ACYP2: variants seen among roughly 807,000 people sequenced by gnomAD.
The protein encoded by ACYP2 is acylphosphatase-2.
In ACYP2, 12 loss-of-function variants were observed where a neutral mutation model predicts 11.2. The observed-to-expected ratio is 1.08, with a 90% CI of 0.69 to 1.74. ACYP2 has a LOEUF of 1.74. Among genes scored for constraint, ACYP2 ranks in the 40% most tolerant of loss-of-function variants. ACYP2 has a pLI of 0.00. For missense variants in ACYP2, 134 were observed against 101.9 expected (o/e 1.31, Z -1.35); for synonymous variants, 43 against 32.2 (o/e 1.33, Z -1.13).
intron 6 of ACYP2, among the ~76,000 whole-genome samples, chr2:54,211,214 A>G (rs1162595407): frequency 1.3e-5 from 2 of 152,236 alleles, no homozygotes; most frequent in Non-Finnish European, 2.9e-5. Flanking sequence ...TAATTTGAAG[A>G]CCTTTAATAA....
At chr2:54,027,202 A>T (rs1674331353) in intron 2 of ACYP2, among the ~76,000 whole-genome samples, 1 of 152,206 alleles carries the variant, frequency 6.6e-6, no homozygotes, top group African/African-American at 2.4e-5. Flanking sequence ...TAGCAGAAGC[A>T]GGAGGGTCTC....
At chr2:54,097,345 A>G (rs1190519247) in intron 4 of ACYP2, among the ~76,000 whole-genome samples, 5 of 152,108 alleles carry the variant, frequency 3.3e-5, no homozygotes, top group African/African-American at 7.2e-5. Flanking sequence ...TGTTCTCTTC[A>G]TTTCCCTAAA....
intron 6 of ACYP2, among the ~76,000 whole-genome samples, chr2:54,269,584 G>A (rs1015377952): frequency 1.1e-4 from 16 of 152,196 alleles, no homozygotes; most frequent in Admixed American, 3.9e-4. Flanking sequence ...GGAAATGTGA[G>A]TGTTCTCTGT....
chr2:54,197,427 G>A (rs1162915798), intron 6 of ACYP2, among the ~76,000 whole-genome samples: 1 of 152,180 alleles, frequency 6.6e-6, no homozygotes, highest in African/African-American at 2.4e-5. Flanking sequence ...TAAGAGTAGT[G>A]AGCAGTATAC....
At chr2:54,242,844 C>T (rs1686789098) in intron 6 of ACYP2, among the ~76,000 whole-genome samples, 1 of 152,236 alleles carries the variant, frequency 6.6e-6, no homozygotes. Flanking sequence ...CTATGATGTT[C>T]ACACAACAGT....
rs1416753127 is a variant in ACYP2, at chr2:54,117,726, G to A, written c.278-17727G>A. ...GTGTACCAGGGTAAGATTAAGAATGGGTAAAAGTGTGCCTTTTGTAAAGAG... is the reference window on the plus strand; with the variant it reads ...GTGTACCAGGGTAAGATTAAGAATGAGTAAAAGTGTGCCTTTTGTAAAGAG... On this transcript the variant is annotated intron_variant, in intron 4 of 6. Coordinates refer to ENST00000607452, the MANE Select transcript of ACYP2 (RefSeq NM_001320586.2). Among the ~76,000 whole-genome samples the A allele has an allele frequency of 1.3e-5, 2 of 151,966 alleles. 1 individual carries two copies. The highest frequency in any genetic ancestry group is 4.8e-5 in the African/African-American group (2 of 41,330).
At chr2:54,290,901 G>A (rs1306462589) in intron 6 of ACYP2, among the ~76,000 whole-genome samples, 1 of 152,086 alleles carries the variant, frequency 6.6e-6, no homozygotes, top group Non-Finnish European at 1.5e-5. Flanking sequence ...CGTAAATATT[G>A]GAAGGCATTG....
intron 6 of ACYP2, chr2:54,141,793 A>T: frequency 2.1e-6 from 1 of 466,338 alleles, no homozygotes; most frequent in Non-Finnish European, 3.9e-6. Context: ...TAAAAAGAAA[A>T]CTTACATGAT....
At chr2:54,035,249 A>G (rs1674826566) in intron 2 of ACYP2, among the ~76,000 whole-genome samples, 1 of 147,864 alleles carries the variant, frequency 6.8e-6, no homozygotes, top group Admixed American at 6.8e-5. Flanking sequence ...ACTAGAGACA[A>G]TTTCTTTTTC....
chr2:53,990,054 C>G (rs1472502233), intron 2 of ACYP2, among the ~76,000 whole-genome samples: 1 of 150,006 alleles, frequency 6.7e-6, no homozygotes, highest in African/African-American at 2.5e-5. Context: ...TCTCGGCTCA[C>G]TGCAACCTCT....
chr2:54,198,729 C>G (rs1572921782), intron 6 of ACYP2, among the ~76,000 whole-genome samples: 1 of 152,012 alleles, frequency 6.6e-6, no homozygotes, highest in East Asian at 1.9e-4. Flanking sequence ...AAAAAATGAA[C>G]AAAAACCAAT....
intron 6 of ACYP2, among the ~76,000 whole-genome samples, chr2:54,195,794 G>GTTTTTTTTTTTTTTTTTTTT (rs1168917459): frequency 1.2e-5 from 1 of 83,134 alleles, no homozygotes. Context: ...TTTGTTGTGG[G>GTTTTTTTTTTTTTTTTTTTT]TTTTTTTTTT....
chr2:54,004,752 A>G (rs1366238775), intron 2 of ACYP2, among the ~76,000 whole-genome samples: 1 of 151,498 alleles, frequency 6.6e-6, no homozygotes. Flanking sequence ...TTTTCTTATT[A>G]TTGAGCTTTA....
At chr2:54,240,127 A>C (rs990811463) in intron 6 of ACYP2, among the ~76,000 whole-genome samples, 6 of 152,302 alleles carry the variant, frequency 3.9e-5, no homozygotes, top group Non-Finnish European at 8.8e-5. Context: ...ATGTTTGAGA[A>C]AGATCTGGAA....
chr2:54,258,034 A>G (rs1405271745), intron 6 of ACYP2, among the ~76,000 whole-genome samples: 3 of 152,238 alleles, frequency 2.0e-5, no homozygotes, highest in African/African-American at 7.2e-5. Context: ...TTTATTGGGT[A>G]CCTACTGTGT....
At chr2:54,118,912 A>G (rs560570336) in intron 4 of ACYP2, among the ~76,000 whole-genome samples, 2 of 152,212 alleles carry the variant, frequency 1.3e-5, no homozygotes, top group African/African-American at 4.8e-5. Context: ...AACATTTTAC[A>G]TATATTGTCT....
At chr2:54,172,768 T>C (rs921432338) in intron 6 of ACYP2, among the ~76,000 whole-genome samples, 28 of 152,144 alleles carry the variant, frequency 1.8e-4, no homozygotes, top group African/African-American at 6.8e-4. Flanking sequence ...TACTGTTCCA[T>C]TCCCACCTAT....
At chr2:54,293,793 A>T (rs190236366) in intron 6 of ACYP2, among the ~76,000 whole-genome samples, 67 of 152,322 alleles carry the variant, frequency 4.4e-4, no homozygotes, top group African/African-American at 1.6e-3. Flanking sequence ...GATTTCCTGG[A>T]TAATCACTGA....
At chr2:54,201,622 TTGTTTCTTTCTTTC>T (rs1157275032) in intron 6 of ACYP2, among the ~76,000 whole-genome samples, 5,458 of 103,812 alleles carry the variant, frequency 0.053, 486 homozygotes, top group African/African-American at 0.21. Flanking sequence ...CTTTCTTTCT[TTGTTTCTTTCTTTC>T]TCTTTCTTTC....
Sources: allele counts gnomAD v4.1 joint callset (sites outside exome capture counted in the v4.1 genomes callset), GRCh38; gene constraint gnomAD v4.1.1; transcripts MANE v1.5; gene names NCBI Gene and HGNC (gene_info 2026-07-23, HGNC 2026-07-21).